The following NSF variants were observed in gnomAD, a reference collection of about 807,000 sequenced individuals.
The protein encoded by NSF is N-ethylmaleimide sensitive factor, vesicle fusing ATPase.
In NSF, 14 loss-of-function variants were observed where a neutral mutation model predicts 50.3. The ratio of observed to expected loss-of-function variants is 0.28; its 90% CI spans 0.18 to 0.44. The LOEUF (loss-of-function observed/expected upper bound fraction) is 0.44, where lower values mean the gene tolerates loss of function less well. NSF is among the 20% of genes least tolerant of loss of function. NSF has a pLI of 1.00. For missense variants in NSF, 218 were observed against 504.3 expected, an observed-to-expected ratio of 0.43 and a Z score of 5.44; for synonymous variants, 109 against 175.7, an observed-to-expected ratio of 0.62 and a Z score of 3.00.
intron 15 of NSF, among the ~76,000 whole-genome samples, chr17:46,717,849 G>C (rs1280115692): frequency 2.0e-5 from 3 of 152,212 alleles, no homozygotes; most frequent in African/African-American, 7.2e-5. Context: ...ACAAGGTCCT[G>C]GAGCATGATG....
chr17:46,731,509 C>T (rs762734548), intron 17 of NSF, among the ~76,000 whole-genome samples: 3 of 151,984 alleles, frequency 2.0e-5, no homozygotes, highest in Non-Finnish European at 4.4e-5. Context: ...ATATCTCAAG[C>T]GATTACATTT....
intron 20 of NSF, 97 bp from the exon 21 acceptor site, chr17:46,755,705 T>C: frequency 3.0e-6 from 4 of 1,341,744 alleles, no homozygotes; most frequent in South Asian, 1.3e-5. Flanking sequence ...AGGATAACCA[T>C]TAAGAAGCTT....
intron 15 of NSF, among the ~76,000 whole-genome samples, chr17:46,717,986 G>A (rs2058790817): frequency 1.3e-5 from 2 of 152,154 alleles, no homozygotes; most frequent in South Asian, 4.1e-4. Flanking sequence ...ATCTACTTGG[G>A]GCTAGTGGTG....
At position 46,635,818 on chromosome 17, in the gene NSF, T is replaced by TGTGTGC. The variant is rs1208936942; in HGVS notation, c.239-1557_239-1556insTGTGCG. ...GTGTGTGTGTGTGTGTGTGTGTGTG[T>TGTGTGC]GCTCGTGTGTGAAGCCTTATTGAAG... On this transcript the variant is annotated intron_variant, in intron 4 of 20. Coordinates refer to ENST00000398238, the MANE Select transcript of NSF (RefSeq NM_006178.4). 2.6e-3 allele frequency among the ~76,000 whole-genome samples: 356 copies of TGTGTGC among 138,406 alleles called. 28 individuals are homozygous for TGTGTGC. The highest frequency in any genetic ancestry group is 8.7e-3 in the African/African-American group (328 of 37,666). The allele number at this position is 138,406 out of a possible 152,430, so 90.8% of individuals were successfully genotyped here.
rs1446090513 is a variant in NSF, at chr17:46,756,275, T to C, written c.*452T>C. On this transcript the variant is annotated 3_prime_UTR_variant, in exon 21 of 21. Coordinates refer to ENST00000398238, the MANE Select transcript of NSF (RefSeq NM_006178.4). ...ATCGAGGTGTGGGCCAGAGATCCTC[T>C]GACAGCTGTCCTGAGCTAACACTAA... 2 of 154,880 alleles carry C rather than the reference T, an allele frequency of 1.3e-5. No homozygotes were observed. Among genetic ancestry groups the C allele is most frequent in the Non-Finnish European group, 2.9e-5 (2 of 69,890 alleles). 9.6% of individuals were successfully genotyped at this position (154,880 alleles called of 1,614,324 possible).
At chr17:46,694,120 C>T (rs1373038916) in intron 11 of NSF, among the ~76,000 whole-genome samples, 199 bp downstream of exon 11, 1 of 132,142 alleles carries the variant, frequency 7.6e-6, no homozygotes, top group Non-Finnish European at 1.5e-5. Flanking sequence ...CGCAGTGGCT[C>T]ACACCTGTAA....
chr17:46,691,618 C>T (rs1323018141), intron 9 of NSF, among the ~76,000 whole-genome samples: 4 of 151,590 alleles, frequency 2.6e-5, no homozygotes, highest in Non-Finnish European at 4.4e-5. Context: ...AACAAAACAA[C>T]GATTATATCC....
chr17:46,610,061 T>TTC (rs1158252329), intron 1 of NSF, among the ~76,000 whole-genome samples: 1 of 136,216 alleles, frequency 7.3e-6, no homozygotes, highest in African/African-American at 2.7e-5. Context: ...CTTTCTTTCT[T>TTC]TCTTTCCTTT....
intron 15 of NSF, among the ~76,000 whole-genome samples, chr17:46,724,363 A>T (rs1388089071): frequency 1.3e-5 from 2 of 152,232 alleles, no homozygotes; most frequent in African/African-American, 4.8e-5. Flanking sequence ...TCAGACAGTG[A>T]GTTCTGTTCA....
intron 17 of NSF, 106 bp downstream of exon 17, chr17:46,729,040 CTGT>C (rs1483110811): frequency 9.8e-6 from 7 of 717,184 alleles, no homozygotes; most frequent in Admixed American, 5.9e-5. Flanking sequence ...ACATAAAATT[CTGT>C]TGTTGAAAGG....
chr17:46,740,782 CCCA>C (rs1468260165), intron 17 of NSF, among the ~76,000 whole-genome samples: 1 of 151,884 alleles, frequency 6.6e-6, no homozygotes, highest in African/African-American at 2.4e-5. Context: ...CTACCTCAGC[CCCA>C]CAAGTAGCTG....
intron 18 of NSF, among the ~76,000 whole-genome samples, 192 bp from the exon 19 acceptor site, chr17:46,751,311 T>G (rs2059179710): frequency 1.3e-5 from 2 of 152,232 alleles, no homozygotes; most frequent in Non-Finnish European, 2.9e-5. Flanking sequence ...AGATACCAGT[T>G]TTCACTTTCA....
At chr17:46,709,014 G>A (rs1181910308) in intron 13 of NSF, among the ~76,000 whole-genome samples, 1 of 151,136 alleles carries the variant, frequency 6.6e-6, no homozygotes, top group Non-Finnish European at 1.5e-5. Context: ...TAGTAGAGAC[G>A]AGGTTTCACT....
chr17:46,635,777 A>ATATGTGTGTGTGTG (rs575728163), intron 4 of NSF, among the ~76,000 whole-genome samples: 2 of 116,704 alleles, frequency 1.7e-5, no homozygotes, highest in East Asian at 2.0e-4. Context: ...GGGAAAATAA[A>ATATGTGTGTGTGTG]TGTGTGTGTG....
chr17:46,714,531 C>G (rs1348962508), intron 15 of NSF, among the ~76,000 whole-genome samples: 2 of 152,192 alleles, frequency 1.3e-5, no homozygotes, highest in African/African-American at 4.8e-5. Flanking sequence ...AACATGGCCA[C>G]TTTCTACCAT....
rs1045452886 is a variant in NSF at position 46,722,268 on chromosome 17, G to A, written c.1762-4281G>A. 1.9e-5 allele frequency: 18 copies of A among 956,498 alleles called. No homozygotes were observed. The African/African-American group carries it at 2.7e-4, about 15-fold the overall frequency. The allele number at this position is 956,498 out of a possible 1,614,324, so 59.3% of individuals were successfully genotyped here. On this transcript the variant is annotated intron_variant, in intron 15 of 20. Coordinates refer to ENST00000398238, the MANE Select transcript of NSF (RefSeq NM_006178.4). ...ACATTCTTAAGATTAATTTTGGGGG[G>A]AGTCTGTAAGATACGGTTCTTACCT...
chr17:46,726,480 C>T, intron 15 of NSF, 69 bp from the exon 16 acceptor site: 1 of 1,421,280 alleles, frequency 7.0e-7, no homozygotes, highest in Non-Finnish European at 1.0e-6. Flanking sequence ...CAAGAAGTAA[C>T]TAAACTTCTT....
At chr17:46,737,756 G>A (rs1053548288) in intron 17 of NSF, among the ~76,000 whole-genome samples, 1 of 152,128 alleles carries the variant, frequency 6.6e-6, no homozygotes. Flanking sequence ...CTGAGAAGAT[G>A]TGCAAATCAT....
At chr17:46,742,134 T>C (rs1293707975) in intron 17 of NSF, among the ~76,000 whole-genome samples, 1 of 152,224 alleles carries the variant, frequency 6.6e-6, no homozygotes, top group East Asian at 1.9e-4. Context: ...GTCTGTGTTA[T>C]CCAGTCAATA....
Sources: gnomAD v4.1 joint callset for allele counts (sites outside exome capture counted in the v4.1 genomes callset) on GRCh38, gnomAD v4.1.1 for gene constraint, MANE v1.5 for transcripts, NCBI Gene and HGNC (gene_info 2026-07-23, HGNC 2026-07-21) for gene names.